Variants in NWD2 observed in about 807,000 individuals in gnomAD.
NWD2 encodes NACHT and WD repeat domain-containing protein 2.
A neutral mutation model predicts 132.7 loss-of-function variants in NWD2; 37 were observed. The ratio of observed to expected loss-of-function variants is 0.28; its 90% confidence interval spans 0.21 to 0.37. The LOEUF (loss-of-function observed/expected upper bound fraction) is 0.37. Ranked by LOEUF, NWD2 falls within the 10% of genes least tolerant of loss-of-function variation. The probability of loss-of-function intolerance (pLI) is 1.00; values close to 1 mark genes in which losing one functional copy is unlikely to be tolerated. For missense variants in NWD2, 1,592 were observed against 2,122.4 expected, an observed-to-expected ratio of 0.75 and a Z score of 4.91; for synonymous variants, 705 against 803.0, an observed-to-expected ratio of 0.88 and a Z score of 2.06.
At chr4:37,275,119 A>G in intron 1 of NWD2, among the ~76,000 whole-genome samples, 1 of 152,166 alleles carries the variant, frequency 6.6e-6, no homozygotes, top group East Asian at 1.9e-4. Context: ...GTATTCAATT[A>G]GGAAAAGAGG....
chr4:37,245,341 T>C, intron 1 of NWD2, 123 bp downstream of exon 1: 1 of 1,193,434 alleles, frequency 8.4e-7, no homozygotes, highest in South Asian at 1.6e-5. Flanking sequence ...GCTAAAGCCG[T>C]GGCCGCCCTG....
At chr4:37,324,465 T>G (rs1719132204) in intron 1 of NWD2, among the ~76,000 whole-genome samples, 1 of 152,094 alleles carries the variant, frequency 6.6e-6, no homozygotes, top group Admixed American at 6.6e-5. Context: ...ATTATAGGCT[T>G]TATTGTGAAG....
intron 3 of NWD2, among the ~76,000 whole-genome samples, chr4:37,371,082 T>TTC (rs1553896086): frequency 3.5e-5 from 5 of 142,050 alleles, no homozygotes; most frequent in African/African-American, 5.2e-5. Flanking sequence ...CTTTTTCTTT[T>TTC]TTTTTTTTTT....
chr4:37,325,939 C>T lies in NWD2; in HGVS notation c.155C>T (p.Thr52Met), dbSNP rs745877866. Residue 52 changes from threonine (T) to methionine (M), a missense_variant, in exon 2 of 7, where the codon ACG becomes ATG. Coordinates refer to ENST00000309447, the MANE Select transcript of NWD2 (RefSeq NM_001144990.2). ...RVFISANPED[T>M]GAERQALREN... Reference sequence around the variant, plus strand: ...TGTGTTTGTCTTTCTACTACAGATACGGGAGCAGAAAGACAGGCGCTAAGA... The same window carrying T: ...TGTGTTTGTCTTTCTACTACAGATATGGGAGCAGAAAGACAGGCGCTAAGA... 2.6e-6 allele frequency: 4 copies of T among 1,539,448 alleles called. No individual in the cohort carries two copies. The highest frequency in any genetic ancestry group is 1.4e-5 in the African/African-American group (1 of 72,746).
chr4:37,428,938 G>T (rs1474239760), intron 3 of NWD2, among the ~76,000 whole-genome samples: 1 of 152,082 alleles, frequency 6.6e-6, no homozygotes, highest in African/African-American at 2.4e-5. Flanking sequence ...AACCATGTTG[G>T]CCAGGCTGAT....
intron 1 of NWD2, among the ~76,000 whole-genome samples, chr4:37,301,117 T>C (rs903628624): frequency 2.0e-5 from 3 of 152,108 alleles, no homozygotes; most frequent in African/African-American, 7.2e-5. Context: ...AGACAGCGGA[T>C]TTTTCTCTCA....
At chr4:37,308,123 T>G (rs960457078) in intron 1 of NWD2, among the ~76,000 whole-genome samples, 3 of 152,264 alleles carry the variant, frequency 2.0e-5, no homozygotes, top group African/African-American at 7.2e-5. Flanking sequence ...TGGGATGTAT[T>G]ACTAATAAAT....
intron 2 of NWD2, among the ~76,000 whole-genome samples, chr4:37,335,152 A>G (rs1277588887): frequency 1.3e-5 from 2 of 151,556 alleles, no homozygotes; most frequent in Non-Finnish European, 2.9e-5. Flanking sequence ...GTTCTTTTTT[A>G]CCCCTGCCTA....
chr4:37,251,719 G>A (rs1717363750), intron 1 of NWD2, among the ~76,000 whole-genome samples: 1 of 152,240 alleles, frequency 6.6e-6, no homozygotes, highest in African/African-American at 2.4e-5. Flanking sequence ...CTAGCAACAA[G>A]CAAGTCTAGG....
chr4:37,418,644 AT>A (rs1711704668), intron 3 of NWD2, among the ~76,000 whole-genome samples: 4 of 100,286 alleles, frequency 4.0e-5, no homozygotes, highest in African/African-American at 1.2e-4. Context: ...AAAAAAAAAT[AT>A]ATATATATAT....
chr4:37,347,476 T>C (rs1719659133), intron 2 of NWD2, among the ~76,000 whole-genome samples: 1 of 152,184 alleles, frequency 6.6e-6, no homozygotes, highest in Admixed American at 6.5e-5. Context: ...AATTAAATTA[T>C]ACAATTTATA....
intron 2 of NWD2, among the ~76,000 whole-genome samples, chr4:37,345,187 T>A (rs1719610816): frequency 6.6e-6 from 1 of 152,228 alleles, no homozygotes; most frequent in African/African-American, 2.4e-5. Flanking sequence ...AACACTCGTG[T>A]ACAAGTTTTT....
At chr4:37,268,132 A>G (rs1717795810) in intron 1 of NWD2, among the ~76,000 whole-genome samples, 1 of 151,908 alleles carries the variant, frequency 6.6e-6, no homozygotes, top group African/African-American at 2.4e-5. Flanking sequence ...GTCTGAACTC[A>G]AGGGCCTGAT....
intron 3 of NWD2, among the ~76,000 whole-genome samples, chr4:37,420,459 G>A (rs10010280): frequency 0.44 from 67,342 of 152,034 alleles, 15,045 homozygotes; most frequent in East Asian, 0.51. Flanking sequence ...GCTCAGGTGG[G>A]TGGATCACGA....
intron 3 of NWD2, among the ~76,000 whole-genome samples, chr4:37,381,384 T>C (rs750213430): frequency 5.3e-5 from 8 of 152,182 alleles, no homozygotes; most frequent in Non-Finnish European, 8.8e-5. Context: ...TCGAATCCCA[T>C]TTAACATCCC....
chr4:37,427,240 C>T (rs188535689), intron 3 of NWD2, among the ~76,000 whole-genome samples: 6 of 152,232 alleles, frequency 3.9e-5, no homozygotes, highest in African/African-American at 1.4e-4. Context: ...TGGGTCTGTT[C>T]GATGGCACAT....
chr4:37,257,100 T>C (rs1717536038), intron 1 of NWD2, among the ~76,000 whole-genome samples: 1 of 152,088 alleles, frequency 6.6e-6, no homozygotes, highest in African/African-American at 2.4e-5. Context: ...ACGGACCCTG[T>C]GGAAAGGAGG....
intron 1 of NWD2, among the ~76,000 whole-genome samples, chr4:37,291,696 G>C (rs542756882): frequency 1.3e-5 from 2 of 152,180 alleles, no homozygotes; most frequent in African/African-American, 4.8e-5. Context: ...ATGCATTAGA[G>C]AGGATAGTGT....
intron 1 of NWD2, among the ~76,000 whole-genome samples, chr4:37,267,617 A>G (rs16993401): frequency 0.097 from 14,679 of 151,944 alleles, 1,303 homozygotes; most frequent in African/African-American, 0.23. Flanking sequence ...ATCTACTGAA[A>G]GTCGTGGGCT....
Sources: gnomAD v4.1 joint callset for allele counts (sites outside exome capture counted in the v4.1 genomes callset) on GRCh38, gnomAD v4.1.1 for gene constraint, MANE v1.5 for transcripts, NCBI Gene and HGNC (gene_info 2026-07-23, HGNC 2026-07-21) for gene names.